The following TOM1 variants were observed in gnomAD, a reference collection of about 807,000 sequenced individuals.
The protein encoded by TOM1 is target of myb1 membrane trafficking protein, also known as target of Myb protein 1.
Under a neutral mutation model 61.3 loss-of-function variants are expected in TOM1, and 38 were observed. The ratio of observed to expected loss-of-function variants is 0.62; its 90% confidence interval spans 0.48 to 0.81. The LOEUF (loss-of-function observed/expected upper bound fraction) is 0.81. Ranked by LOEUF, TOM1 falls within the 40% of genes least tolerant of loss-of-function variation. The pLI is 0.00. For synonymous variants in TOM1, 270 were observed against 268.8 expected (o/e 1.00, Z -0.04); for missense variants, 591 against 659.6 (o/e 0.90, Z 1.14).
At chr22:35,334,596 A>G in intron 11 of TOM1, 148 bp downstream of exon 11, 1 of 954,974 alleles carries the variant, frequency 1.0e-6, no homozygotes, top group South Asian at 1.5e-5. Context: ...TCAGTCCAGC[A>G]TGGCCTGGGA....
At chr22:35,331,577 G>A (rs1928848285) in intron 8 of TOM1, 1 of 269,870 alleles carries the variant, frequency 3.7e-6, no homozygotes, top group Non-Finnish European at 7.4e-6. Context: ...AGAGTACTTA[G>A]GTGCTATTAC....
intron 7 of TOM1, among the ~76,000 whole-genome samples, chr22:35,328,548 G>T (rs1005562031): frequency 1.3e-5 from 2 of 152,210 alleles, no homozygotes; most frequent in Admixed American, 6.5e-5. Flanking sequence ...CGGGGGCCTG[G>T]CTCCAAGTGC....
At position 35,323,469 on chromosome 22, in the gene TOM1, C is replaced by T. The variant is rs561143777; in HGVS notation, c.367-27C>T. Reference sequence around the variant, plus strand: ...AGGCTCACAGGTGAGCTGTGGTTACCGGCTGTGTCCCCTTGTCCCCTCTCA... The same window carrying T: ...AGGCTCACAGGTGAGCTGTGGTTACTGGCTGTGTCCCCTTGTCCCCTCTCA... On this transcript the variant is annotated intron_variant, in intron 4 of 14. Coordinates refer to ENST00000449058, the MANE Select transcript of TOM1 (RefSeq NM_005488.3). This position sits in a 1 kb window ranked among gnomAD's most constrained non-coding sequence, Gnocchi z 4.2. 72 of 1,612,116 alleles carry T rather than the reference C, an allele frequency of 4.5e-5. No homozygotes were observed. Among genetic ancestry groups the T allele is most frequent in the South Asian group, 5.5e-5 (5 of 90,992 alleles).
chr22:35,314,879 C>CTCACGAGA (rs1555893009), intron 1 of TOM1, among the ~76,000 whole-genome samples: 1 of 152,224 alleles, frequency 6.6e-6, no homozygotes, highest in African/African-American at 2.4e-5. Flanking sequence ...CTTCAGTTTC[C>CTCACGAGA]TCATGAGATG....
chr22:35,334,511 C>G (rs375495087), intron 11 of TOM1, 63 bp downstream of exon 11: 2 of 1,598,320 alleles, frequency 1.3e-6, no homozygotes, highest in Non-Finnish European at 1.7e-6. Context: ...TTCTGGAACC[C>G]GGTTTTATGG....
chr22:35,337,157 C>T (rs993988177), intron 11 of TOM1, among the ~76,000 whole-genome samples: 68 of 152,204 alleles, frequency 4.5e-4, no homozygotes, highest in Admixed American at 2.9e-3. Context: ...AGCATGGTCT[C>T]GATCTCCTGA....
intron 6 of TOM1, among the ~76,000 whole-genome samples, chr22:35,325,958 A>G (rs1054417399): frequency 1.3e-5 from 2 of 152,228 alleles, no homozygotes; most frequent in African/African-American, 2.4e-5. Flanking sequence ...CACTCATACC[A>G]AGAGTGTTCA....
At chr22:35,343,115 CCA>C (rs772641612) in intron 12 of TOM1, among the ~76,000 whole-genome samples, 9 of 134,002 alleles carry the variant, frequency 6.7e-5, no homozygotes, top group Middle Eastern at 4.5e-3. Flanking sequence ...CCACACACAC[CCA>C]CACACACCAC....
chr22:35,333,658 T>C (rs373515910), intron 10 of TOM1, among the ~76,000 whole-genome samples, 161 bp downstream of exon 10: 7 of 152,266 alleles, frequency 4.6e-5, no homozygotes, highest in African/African-American at 1.7e-4. Flanking sequence ...GGTGGGGCAC[T>C]CGGGGTCACT....
chr22:35,333,300 TG>T, intron 9 of TOM1, 103 bp from the exon 10 acceptor site: 1 of 1,089,674 alleles, frequency 9.2e-7, no homozygotes, highest in East Asian at 2.5e-5. Flanking sequence ...CCTGGGGCCC[TG>T]GTGACAGATC....
In TOM1 at chr22:35,318,019, A is replaced by G; in HGVS notation, c.137+58A>G. 2.1e-6 allele frequency: 3 copies of G among 1,418,264 alleles called. No homozygotes were observed. In the South Asian group the frequency reaches 3.4e-5, roughly 16 times the overall value. 87.9% of individuals were successfully genotyped at this position (1,418,264 alleles called of 1,614,324 possible). ...AGACGGCCATCCCACCACGCAGCAC[A>G]CTCCTGCACCCTTCCAGGGAGCCCC... On this transcript the variant is annotated intron_variant, in intron 2 of 14. Coordinates refer to ENST00000449058, the MANE Select transcript of TOM1 (RefSeq NM_005488.3).
chr22:35,305,048 C>G (rs1468483795), intron 1 of TOM1, among the ~76,000 whole-genome samples: 1 of 152,164 alleles, frequency 6.6e-6, no homozygotes, highest in Non-Finnish European at 1.5e-5. Context: ...TTTGAATCCA[C>G]AAAAGCCAAG....
At chr22:35,333,354 A>G in intron 9 of TOM1, 50 bp from the exon 10 acceptor site, 1 of 1,555,810 alleles carries the variant, frequency 6.4e-7, no homozygotes, top group Non-Finnish European at 8.9e-7. Flanking sequence ...GGCAGAAAGG[A>G]ACGAAGCTGC....
chr22:35,299,680 G>A (rs1925527990), upstream of TOM1: 1 of 541,390 alleles, frequency 1.8e-6, no homozygotes, highest in African/African-American at 2.0e-5. Flanking sequence ...CGCTTCCCGG[G>A]CCCCGACCCC....
chr22:35,299,760 GGGGGCGGGACCCT>G (rs1261928907), upstream of TOM1: 1 of 720,758 alleles, frequency 1.4e-6, no homozygotes, highest in African/African-American at 1.8e-5. Flanking sequence ...CCTCCGCCTC[GGGGGCGGGACCCT>G]GGCGTCTCAG....
intron 12 of TOM1, among the ~76,000 whole-genome samples, chr22:35,340,715 C>G (rs5755700): frequency 0.019 from 2,845 of 151,956 alleles, 110 homozygotes; most frequent in East Asian, 0.15. Context: ...CTACGACACT[C>G]CAGCCTGGGC....
chr22:35,324,412 CAAAA>C (rs58401864), intron 6 of TOM1, among the ~76,000 whole-genome samples: 1 of 61,172 alleles, frequency 1.6e-5, no homozygotes, highest in Non-Finnish European at 3.6e-5. Flanking sequence ...AGACCTGTTT[CAAAA>C]AAAAAAAAAA....
chr22:35,303,131 A>AACACAC (rs138739), intron 1 of TOM1, among the ~76,000 whole-genome samples: 1 of 149,128 alleles, frequency 6.7e-6, no homozygotes, highest in Admixed American at 6.7e-5. Flanking sequence ...CTCCCCTCCC[A>AACACAC]ACACACACAC....
rs1926845499 is a variant in TOM1, at chr22:35,311,759, C to T, written c.53-6118C>T. On this transcript the variant is annotated intron_variant, in intron 1 of 14. Coordinates refer to ENST00000449058, the MANE Select transcript of TOM1 (RefSeq NM_005488.3). ...TCACAAACCTCTGCACATTGGCTGCCCCCACGACAGTTGGGGATGTGGGGA... is the reference window on the plus strand; with the variant it reads ...TCACAAACCTCTGCACATTGGCTGCTCCCACGACAGTTGGGGATGTGGGGA... 2.0e-5 allele frequency among the ~76,000 whole-genome samples: 3 copies of T among 152,218 alleles called. No homozygotes were observed. In the South Asian group the frequency reaches 6.2e-4, roughly 31 times the overall value.
Sources: gnomAD v4.1 joint callset for allele counts (sites outside exome capture counted in the v4.1 genomes callset) on GRCh38, gnomAD v4.1.1 for gene constraint, Gnocchi (gnomAD v3.1) non-coding constraint, MANE v1.5 for transcripts, NCBI Gene and HGNC (gene_info 2026-07-23, HGNC 2026-07-21) for gene names.